The following FER variants were observed in gnomAD, a reference collection of about 807,000 sequenced individuals.
FER encodes the protein FER tyrosine kinase.
Under a neutral mutation model 111.0 loss-of-function variants are expected in FER, and 63 were observed. That is an observed-to-expected ratio of 0.57 (90% CI 0.46 to 0.70). The LOEUF is 0.70. Among genes scored for constraint, FER ranks in the 30% least tolerant of loss-of-function variants. The pLI, the probability that FER is intolerant of heterozygous loss-of-function variation, is 0.00. For synonymous variants in FER, 327 were observed against 313.9 expected (o/e 1.04, Z -0.44); for missense variants, 914 against 954.0 (o/e 0.96, Z 0.55).
At chr5:108,989,452 T>C (rs2149742236) in intron 13 of FER, among the ~76,000 whole-genome samples, 1 of 152,122 alleles carries the variant, frequency 6.6e-6, no homozygotes, top group East Asian at 1.9e-4. Context: ...AAATACTAAG[T>C]TCCAAAAAAT....
intron 13 of FER, among the ~76,000 whole-genome samples, chr5:109,013,032 G>T (rs946407069): frequency 6.7e-6 from 1 of 150,354 alleles, no homozygotes; most frequent in Non-Finnish European, 1.5e-5. Flanking sequence ...AATGCATTTT[G>T]GCTTTAGTGT....
At chr5:108,973,654 C>G (rs1464110556) in intron 13 of FER, among the ~76,000 whole-genome samples, 1 of 151,976 alleles carries the variant, frequency 6.6e-6, no homozygotes, top group Non-Finnish European at 1.5e-5. Flanking sequence ...TCAACCTCAG[C>G]AAAAATCAGT....
chr5:109,083,505 C>G (rs1777222406), intron 16 of FER, among the ~76,000 whole-genome samples: 1 of 152,032 alleles, frequency 6.6e-6, no homozygotes, highest in Non-Finnish European at 1.5e-5. Flanking sequence ...GTAATGATAG[C>G]TCAAATGGCT....
At chr5:109,013,853 T>G (rs535874132) in intron 13 of FER, among the ~76,000 whole-genome samples, 1 of 151,504 alleles carries the variant, frequency 6.6e-6, no homozygotes, top group African/African-American at 2.4e-5. Context: ...CATTTTTTCA[T>G]GTGTTTTTTG....
intron 5 of FER, among the ~76,000 whole-genome samples, chr5:108,859,341 C>T (rs1475675492): frequency 6.6e-6 from 1 of 151,958 alleles, no homozygotes; most frequent in Non-Finnish European, 1.5e-5. Flanking sequence ...TTCTCTTCAC[C>T]CCGACCCCTG....
At chr5:109,070,579 C>T (rs1236865197) in intron 16 of FER, among the ~76,000 whole-genome samples, 1 of 151,918 alleles carries the variant, frequency 6.6e-6, no homozygotes, top group East Asian at 1.9e-4. Context: ...GAAAAATATG[C>T]ATTGAGAGGT....
chr5:109,093,272 A>G (rs1480599963), intron 16 of FER, among the ~76,000 whole-genome samples: 1 of 152,224 alleles, frequency 6.6e-6, no homozygotes, highest in African/African-American at 2.4e-5. Context: ...TTTTACCACA[A>G]TAAAAAAGTG....
intron 18 of FER, among the ~76,000 whole-genome samples, chr5:109,181,224 G>T (rs141325922): frequency 3.2e-4 from 49 of 152,066 alleles, no homozygotes; most frequent in African/African-American, 1.1e-3. Context: ...CATTTCTTTC[G>T]AATGTCTTAT....
intron 17 of FER, among the ~76,000 whole-genome samples, chr5:109,123,034 G>A (rs1260948034): frequency 2.6e-5 from 4 of 151,688 alleles, no homozygotes; most frequent in African/African-American, 4.8e-5. Context: ...CACTCTATAC[G>A]TTTTGATTGG....
intron 5 of FER, among the ~76,000 whole-genome samples, chr5:108,860,061 C>T (rs1320450043): frequency 6.6e-6 from 1 of 151,686 alleles, no homozygotes; most frequent in Non-Finnish European, 1.5e-5. Flanking sequence ...CCTGCCTCAG[C>T]CTCCCAAGTA....
At position 109,194,195 on chromosome 5, in the gene FER, C is replaced by T. The variant is rs939804972; in HGVS notation, c.*6620C>T. ...CCTGGACATACTCAGTTCTTCCATT[C>T]CACTGTTCTATTGCCAATACCTTTT... On this transcript the variant is annotated 3_prime_UTR_variant, in exon 20 of 20. Transcript: ENST00000281092. 3 of 152,176 alleles carry T rather than the reference C, an allele frequency of 2.0e-5. No homozygotes were observed. The highest frequency in any genetic ancestry group is 7.2e-5 in the African/African-American group (3 of 41,422). 9.4% of individuals were successfully genotyped at this position (152,176 alleles called of 1,614,324 possible). A position where few individuals can be genotyped will look rare whatever the true frequency, so the allele number is the denominator to read the frequency against.
intron 10 of FER, among the ~76,000 whole-genome samples, chr5:108,938,438 A>G (rs544291411): frequency 6.6e-6 from 1 of 152,066 alleles, no homozygotes; most frequent in African/African-American, 2.4e-5. Context: ...TTGGCCAGAT[A>G]TTTAGGGCCC....
intron 3 of FER, among the ~76,000 whole-genome samples, chr5:108,822,392 A>T (rs532660139): frequency 2.0e-5 from 3 of 152,338 alleles, no homozygotes; most frequent in African/African-American, 7.2e-5. Flanking sequence ...TATTTAGCTT[A>T]TAGTTCTGTA....
chr5:108,967,784 CAATT>C (rs935236520), intron 13 of FER, among the ~76,000 whole-genome samples: 1 of 90,046 alleles, frequency 1.1e-5, no homozygotes, highest in Admixed American at 1.1e-4. Flanking sequence ...AAAAAAAAAA[CAATT>C]AGGAAAGGGT....
intron 3 of FER, among the ~76,000 whole-genome samples, chr5:108,828,682 A>G (rs547704650): frequency 1.3e-5 from 2 of 152,324 alleles, no homozygotes; most frequent in African/African-American, 4.8e-5. Flanking sequence ...AACTTTCAGC[A>G]TCAGTGACTT....
chr5:109,126,377 C>T (rs1347926674), intron 17 of FER, among the ~76,000 whole-genome samples: 1 of 152,148 alleles, frequency 6.6e-6, no homozygotes, highest in Non-Finnish European at 1.5e-5. Flanking sequence ...TTGCTTTTAT[C>T]CTCTGTTTAC....
intron 10 of FER, among the ~76,000 whole-genome samples, chr5:108,914,312 T>C (rs1301778587): frequency 2.0e-5 from 3 of 152,038 alleles, no homozygotes; most frequent in Admixed American, 1.3e-4. Flanking sequence ...TTCAGAATTA[T>C]CTGGGAGAAG....
intron 10 of FER, among the ~76,000 whole-genome samples, chr5:108,942,099 TA>T (rs1561653489): frequency 6.6e-6 from 1 of 152,188 alleles, no homozygotes; most frequent in African/African-American, 2.4e-5. Flanking sequence ...AAGTAGTCTT[TA>T]AAAAAATATG....
chr5:108,922,846 ACT>A (rs1753207760), intron 10 of FER, among the ~76,000 whole-genome samples: 1 of 151,984 alleles, frequency 6.6e-6, no homozygotes, highest in African/African-American at 2.4e-5. Context: ...ATCTTTGGAG[ACT>A]CTTTTTTGGC....
Sources: gnomAD v4.1 joint callset for allele counts (sites outside exome capture counted in the v4.1 genomes callset) on GRCh38, gnomAD v4.1.1 for gene constraint, MANE v1.5 for transcripts, NCBI Gene and HGNC (gene_info 2026-07-23, HGNC 2026-07-21) for gene names.